NUP214: variants seen among roughly 807,000 people sequenced by gnomAD.
The protein encoded by NUP214 is nucleoporin 214.
Under a neutral mutation model 196.2 loss-of-function variants are expected in NUP214, and 79 were observed. The ratio of observed to expected loss-of-function variants is 0.40; its 90% CI spans 0.34 to 0.49. The LOEUF (loss-of-function observed/expected upper bound fraction) is 0.49. Among genes scored for constraint, NUP214 ranks in the 20% least tolerant of loss-of-function variants. NUP214 has a pLI of 0.58. For synonymous variants in NUP214, 1,020 were observed against 990.5 expected, an observed-to-expected ratio of 1.03 and a Z score of -0.56; for missense variants, 2,468 against 2,539.0, an observed-to-expected ratio of 0.97 and a Z score of 0.60.
intron 24 of NUP214, among the ~76,000 whole-genome samples, chr9:131,183,147 C>T (rs1272931650): frequency 6.6e-6 from 1 of 152,212 alleles, no homozygotes; most frequent in Admixed American, 6.5e-5. Flanking sequence ...TGCAGTGGTG[C>T]GATTTCAGCT....
At chr9:131,195,416 C>T in intron 28 of NUP214, 122 bp downstream of exon 28, 1 of 763,576 alleles carries the variant, frequency 1.3e-6, no homozygotes, top group Non-Finnish European at 2.3e-6. Flanking sequence ...CTGCAATAAG[C>T]TCAGTGTTGA....
rs1243420384 is a variant in NUP214 at position 131,150,241 on chromosome 9, C to T, written c.2041-83C>T. 9 of 1,088,590 alleles carry T rather than the reference C, an allele frequency of 8.3e-6. No homozygotes were observed. The East Asian group carries it at 9.6e-5, about 12-fold the overall frequency. The allele number at this position is 1,088,590 out of a possible 1,614,324, so 67.4% of individuals were successfully genotyped here. Reference sequence around the variant, plus strand: ...AGAAATAATGACTGTGTTACAGGAGCGCCACTCCCTGTAATAGGCTCTGAT... The same window carrying T: ...AGAAATAATGACTGTGTTACAGGAGTGCCACTCCCTGTAATAGGCTCTGAT... On this transcript the variant is annotated intron_variant, in intron 14 of 35. Coordinates refer to ENST00000359428, the MANE Select transcript of NUP214 (RefSeq NM_005085.4).
rs151306753 is a variant in NUP214 at position 131,158,521 on chromosome 9, G to T, written c.2437-862G>T. ...AATAATGACAGATTCAGTTTTTAGT[G>T]CTGATAGTGTTCTTTGATTTTGCAA... On this transcript the variant is annotated intron_variant, in intron 17 of 35. Transcript: ENST00000359428. Among the ~76,000 whole-genome samples the T allele has an allele frequency of 4.3e-3, 653 of 152,346 alleles. 5 individuals carry two copies. Among genetic ancestry groups the T allele is most frequent in the African/African-American group, 0.015 (626 of 41,582 alleles).
At chr9:131,227,341 C>T (rs1834750170) in intron 32 of NUP214, among the ~76,000 whole-genome samples, 1 of 152,232 alleles carries the variant, frequency 6.6e-6, no homozygotes, top group African/African-American at 2.4e-5. Flanking sequence ...GGCAACGTTG[C>T]AGAAGGCATC....
intron 30 of NUP214, among the ~76,000 whole-genome samples, chr9:131,202,561 C>G (rs1019838735): frequency 2.0e-5 from 3 of 151,798 alleles, no homozygotes; most frequent in African/African-American, 7.3e-5. Context: ...GTAGCTGGGA[C>G]TATAGGTTTG....
Position 131,228,210 on chromosome 9 carries a change from TC to T in NUP214, c.5957del (p.Pro1986LeufsTer157). On this transcript the variant is annotated frameshift_variant, in exon 33 of 36. Transcript: ENST00000359428. LOFTEE classifies it high-confidence loss of function. ...VFGSPPTFGG[S>X]PGFGGVPAFG... is the part of the protein sequence containing the mutation. ...TGGCAGCCCTCCTACTTTTGGGGGATCCCCTGGGTTTGGAGGGGTGCCAGCA... is the reference window on the plus strand; with the variant it reads ...TGGCAGCCCTCCTACTTTTGGGGGATCCCTGGGTTTGGAGGGGTGCCAGCA... 1 of 1,604,840 alleles carries T rather than the reference TC, an allele frequency of 6.2e-7. No individual in the cohort carries two copies. Among genetic ancestry groups the T allele is most frequent in the South Asian group, 1.1e-5 (1 of 90,012 alleles).
chr9:131,189,266 A>G (rs186185752), intron 26 of NUP214, 135 bp downstream of exon 26: 6 of 709,108 alleles, frequency 8.5e-6, no homozygotes, highest in African/African-American at 3.5e-5. Context: ...TCAGGGTAGT[A>G]TGACCATAGA....
rs150328396 is a variant in NUP214, at chr9:131,132,630, C to T, written c.698C>T (p.Pro233Leu). 1.1e-5 allele frequency: 17 copies of T among 1,613,930 alleles called. No homozygotes were observed. In the Admixed American group the frequency reaches 1.8e-4, roughly 17 times the overall value. ...GAAAAAAAAGTCATTCCTTGTCCTC[C>T]GTTTTATGAGTCAGATCATCCTGTC... ...LQEKKVIPCP[P>L]FYESDHPVRV... Residue 233 changes from proline (P) to leucine (L), a missense_variant, in exon 6 of 36, where the codon CCG (proline) becomes CTG (leucine). Pro to Leu is a moderately conservative substitution (Grantham distance 98). Coordinates refer to ENST00000359428, the MANE Select transcript of NUP214 (RefSeq NM_005085.4).
chr9:131,203,385 C>T (rs1833993836), intron 30 of NUP214, among the ~76,000 whole-genome samples: 1 of 152,152 alleles, frequency 6.6e-6, no homozygotes, highest in Non-Finnish European at 1.5e-5. Context: ...CAGACACCGG[C>T]TGCATTTAGA....
intron 23 of NUP214, chr9:131,175,903 T>C: frequency 2.8e-6 from 1 of 355,854 alleles, no homozygotes; most frequent in Non-Finnish European, 5.0e-6. Context: ...CTAATCCTAC[T>C]TTTGAATAAT....
chr9:131,230,838 A>G, intron 34 of NUP214, 69 bp downstream of exon 34: 1 of 1,529,968 alleles, frequency 6.5e-7, no homozygotes. Context: ...CAAAGAAATG[A>G]GTATGTTTTA....
chr9:131,150,837 G>GTTA, intron 16 of NUP214, 72 bp downstream of exon 16: 1 of 1,399,958 alleles, frequency 7.1e-7, no homozygotes, highest in Non-Finnish European at 9.7e-7. Context: ...ACTCCATGGG[G>GTTA]TTATGTACTT....
intron 5 of NUP214, among the ~76,000 whole-genome samples, chr9:131,132,280 A>G (rs1176497674): frequency 1.3e-5 from 2 of 151,610 alleles, no homozygotes; most frequent in African/African-American, 4.8e-5. Context: ...CACCACACCC[A>G]GCTATGTATT....
chr9:131,147,141 C>T (rs1165823544), intron 13 of NUP214, among the ~76,000 whole-genome samples: 4 of 151,940 alleles, frequency 2.6e-5, no homozygotes, highest in African/African-American at 9.7e-5. Flanking sequence ...CATGTACCAC[C>T]ACCGTCGGCT....
At chr9:131,149,841 T>G (rs1832203084) in intron 14 of NUP214, 6 of 154,678 alleles carry the variant, frequency 3.9e-5, no homozygotes, top group Admixed American at 3.8e-4. Flanking sequence ...CACATTTACT[T>G]TTTTTCTTTG....
intron 19 of NUP214, among the ~76,000 whole-genome samples, chr9:131,163,579 G>A (rs540715401): frequency 6.6e-5 from 10 of 152,112 alleles, no homozygotes; most frequent in Non-Finnish European, 1.2e-4. Flanking sequence ...TTGACAGTTT[G>A]CCTTGAGTTT....
intron 32 of NUP214, among the ~76,000 whole-genome samples, chr9:131,223,249 C>T (rs1834613328): frequency 6.6e-6 from 1 of 152,060 alleles, no homozygotes; most frequent in African/African-American, 2.4e-5. Context: ...TCACAGCAAC[C>T]TCCAACTCCC....
In NUP214 at chr9:131,125,602, C is replaced by T. The variant is rs1166037504; in HGVS notation, c.-103C>T. 1 of 1,548,452 alleles carries T rather than the reference C, an allele frequency of 6.5e-7. No individual in the cohort carries two copies. The highest frequency in any genetic ancestry group is 2.5e-5 in the East Asian group (1 of 40,672). ...CGGAAATGCGAGGTCAACTGCGCGCCGCTGGCGCTGAGGGGAGGAAGTTTG... is the reference window on the plus strand; with the variant it reads ...CGGAAATGCGAGGTCAACTGCGCGCTGCTGGCGCTGAGGGGAGGAAGTTTG... On this transcript the variant is annotated 5_prime_UTR_variant, in exon 1 of 36. Coordinates refer to ENST00000359428, the MANE Select transcript of NUP214 (RefSeq NM_005085.4). The surrounding 1 kb of genome is among the most constrained non-coding windows in gnomAD (Gnocchi z 4.1).
intron 28 of NUP214, chr9:131,195,780 C>T (rs1247081510): frequency 6.5e-6 from 1 of 154,436 alleles, no homozygotes; most frequent in Non-Finnish European, 1.4e-5. Context: ...AATCCCAGCA[C>T]TTTGGGAGGC....
Sources: gnomAD v4.1 joint callset for allele counts (sites outside exome capture counted in the v4.1 genomes callset) on GRCh38, gnomAD v4.1.1 for gene constraint, Gnocchi (gnomAD v3.1) non-coding constraint, MANE v1.5 for transcripts, NCBI Gene and HGNC (gene_info 2026-07-23, HGNC 2026-07-21) for gene names.